The following SERPINA6 variants were observed in gnomAD, a reference collection of about 807,000 sequenced individuals.
SERPINA6 encodes serpin family A member 6, also known as corticosteroid-binding globulin.
In SERPINA6, 19 loss-of-function variants were observed where a neutral mutation model predicts 26.4. The observed-to-expected ratio is 0.72, with a 90% CI of 0.50 to 1.06. The LOEUF is 1.06. Ranked by LOEUF, SERPINA6 falls within the 50% of genes least tolerant of loss-of-function variation. The pLI is 0.00. For missense variants in SERPINA6, 473 were observed against 504.0 expected (o/e 0.94, Z 0.59); for synonymous variants, 196 against 199.4 (o/e 0.98, Z 0.14).
chr14:94,322,788 G>A (rs1895701956), intron 1 of SERPINA6, among the ~76,000 whole-genome samples: 1 of 152,214 alleles, frequency 6.6e-6, no homozygotes, highest in East Asian at 1.9e-4. Context: ...TGAGTGAGGA[G>A]CCATGGTGGA....
At chr14:94,311,880 G>A (rs559017056) in intron 2 of SERPINA6, among the ~76,000 whole-genome samples, 8 of 152,102 alleles carry the variant, frequency 5.3e-5, no homozygotes, top group African/African-American at 1.4e-4. Context: ...CCCGGGAGGC[G>A]GAGCTTGCAG....
rs150253334 is a variant in SERPINA6 at position 94,314,349 on chromosome 14, C to A, written c.300G>T (p.Arg100Ser). 1 of 1,614,174 alleles carries A rather than the reference C, an allele frequency of 6.2e-7. No individual in the cohort carries two copies. The highest frequency in any genetic ancestry group is 8.5e-7 in the Non-Finnish European group (1 of 1,180,026). ...LQGLGFNLTERSETEIHQGFQ... is the reference protein window; with the variant it reads ...LQGLGFNLTESSETEIHQGFQ... ...AACCCTGGTGGATCTCAGTCTCAGA[C>A]CTCTCAGTGAGGTTGAAACCCAGGC... is the stretch of plus-strand genomic sequence containing the variant. The change falls in exon 2 of 5, where the codon AGG becomes AGT. Residue 100 changes from arginine to serine, a missense_variant. Coordinates refer to ENST00000341584, the MANE Select transcript of SERPINA6 (RefSeq NM_001756.4).
intron 1 of SERPINA6, among the ~76,000 whole-genome samples, chr14:94,321,826 T>G (rs1274217535): frequency 1.3e-5 from 2 of 152,232 alleles, no homozygotes; most frequent in South Asian, 4.1e-4. Context: ...CTTTGGTCAC[T>G]GCCATACCTA....
intron 2 of SERPINA6, among the ~76,000 whole-genome samples, chr14:94,312,873 G>C (rs1369328608): frequency 6.6e-6 from 1 of 152,166 alleles, no homozygotes; most frequent in African/African-American, 2.4e-5. Flanking sequence ...GGTCCTGGCT[G>C]GGGATCACAT....
At chr14:94,322,581 T>C (rs1395192280) in intron 1 of SERPINA6, among the ~76,000 whole-genome samples, 2 of 152,252 alleles carry the variant, frequency 1.3e-5, no homozygotes, top group Non-Finnish European at 2.9e-5. Context: ...ATATTATTCA[T>C]GCATTTCATG....
rs542155756 is a variant in SERPINA6 at position 94,307,002 on chromosome 14, C to G, written c.885-784G>C. Among the ~76,000 whole-genome samples the G allele has an allele frequency of 3.9e-5, 6 of 152,332 alleles. No individual in the cohort carries two copies. The East Asian group carries it at 9.7e-4, about 25-fold the overall frequency. ...GATGGGAGGGAAGGCACGAGACCCTCTCCTCACTGAGCAAAAGCAGCCCTG... is the reference window on the plus strand; with the variant it reads ...GATGGGAGGGAAGGCACGAGACCCTGTCCTCACTGAGCAAAAGCAGCCCTG... On this transcript the variant is annotated intron_variant, in intron 3 of 4. Coordinates refer to ENST00000341584, the MANE Select transcript of SERPINA6 (RefSeq NM_001756.4).
chr14:94,306,066 T>G lies in SERPINA6; in HGVS notation c.1032+5A>C, dbSNP rs1895434616. On this transcript the variant is annotated splice_donor_5th_base_variant and intron_variant, in intron 4 of 4. Coordinates refer to ENST00000341584, the MANE Select transcript of SERPINA6 (RefSeq NM_001756.4). The stretch of plus-strand genomic sequence containing the variant: ...GAAGAAAAGGTGGGTTCCCATGACA[T>G]TTACCTTTGATGACTTCAGCTGGGC... 3.1e-6 allele frequency: 5 copies of G among 1,614,176 alleles called. No homozygotes were observed. Among genetic ancestry groups the G allele is most frequent in the Non-Finnish European group, 4.2e-6 (5 of 1,180,016 alleles).
chr14:94,310,916 C>T (rs1445430424), intron 2 of SERPINA6, among the ~76,000 whole-genome samples: 1 of 152,224 alleles, frequency 6.6e-6, no homozygotes, highest in Non-Finnish European at 1.5e-5. Context: ...CCCTGAAGCC[C>T]TTGCCAGGCC....
At position 94,309,609 on chromosome 14, in the gene SERPINA6, A is replaced by G. The variant is rs539557019; in HGVS notation, c.884+127T>C. On this transcript the variant is annotated intron_variant, in intron 3 of 4. Transcript: ENST00000341584. ...TACAGCCTTTGGGGGCCCAGCAGAC[A>G]GGAAAACTGAGCCCTGGAGGGTGAG... is the stretch of plus-strand genomic sequence containing the variant. 2.0e-5 allele frequency: 21 copies of G among 1,069,408 alleles called. No individual in the cohort carries two copies. The East Asian group carries it at 4.8e-4, about 25-fold the overall frequency. The allele number at this position is 1,069,408 out of a possible 1,614,324, so 66.2% of individuals were successfully genotyped here. A position where few individuals can be genotyped will look rare whatever the true frequency, so the allele number is the denominator to read the frequency against.
intron 2 of SERPINA6, among the ~76,000 whole-genome samples, chr14:94,312,520 C>A (rs1019677903): frequency 2.0e-5 from 3 of 152,228 alleles, no homozygotes; most frequent in Non-Finnish European, 4.4e-5. Flanking sequence ...AGTGCACAGT[C>A]TCGTGGGGGA....
intron 3 of SERPINA6, among the ~76,000 whole-genome samples, chr14:94,306,643 C>T (rs1172340217): frequency 6.6e-6 from 1 of 152,210 alleles, no homozygotes; most frequent in Non-Finnish European, 1.5e-5. Context: ...TGCTGTGTGG[C>T]CTTTGCCAAG....
chr14:94,320,006 T>A (rs1895661546), intron 1 of SERPINA6, among the ~76,000 whole-genome samples: 1 of 152,122 alleles, frequency 6.6e-6, no homozygotes, highest in African/African-American at 2.4e-5. Flanking sequence ...TAAAAAGAGT[T>A]CCATAAGAGC....
chr14:94,306,105 C>T lies in SERPINA6; in HGVS notation c.998G>A (p.Arg333His), dbSNP rs751013186. 2.8e-5 allele frequency: 46 copies of T among 1,614,160 alleles called. No homozygotes were observed. The East Asian group carries it at 7.4e-4, about 26-fold the overall frequency. Reference protein sequence around the residue: ...DLFTNQANFSRITQDAQLKSS... With the variant: ...DLFTNQANFSHITQDAQLKSS... ...CTTCAGCTGGGCGTCCTGGGTGATG[C>T]GTGAGAAATTTGCCTGGTTGGTGAA... Residue 333 changes from arginine (R) to histidine (H), a missense_variant, in exon 4 of 5, where the codon CGC becomes CAC. Arg to His is a conservative substitution (Grantham distance 29). Transcript: ENST00000341584.
rs141476098 is a variant in SERPINA6 at position 94,311,753 on chromosome 14, C to T, written c.614-1747G>A. ...AGGAGATCGAGACCGTCCTGGCTAACGTGGTGAAACCCTGTCTGTACTAAA... is the reference window on the plus strand; with the variant it reads ...AGGAGATCGAGACCGTCCTGGCTAATGTGGTGAAACCCTGTCTGTACTAAA... On this transcript the variant is annotated intron_variant, in intron 2 of 4. Transcript: ENST00000341584. 5.7e-3 allele frequency among the ~76,000 whole-genome samples: 873 copies of T among 152,102 alleles called. 6 individuals carry two copies. Among genetic ancestry groups the T allele is most frequent in the African/African-American group, 0.02 (825 of 41,486 alleles).
At chr14:94,314,703 A>C in intron 1 of SERPINA6, 36 bp from the exon 2 acceptor site, 1 of 1,595,952 alleles carries the variant, frequency 6.3e-7, no homozygotes, top group Non-Finnish European at 8.5e-7. Context: ...ATGCTGTGGC[A>C]GTCTCTGAGT....
chr14:94,320,921 G>A (rs527739443), intron 1 of SERPINA6, among the ~76,000 whole-genome samples: 3 of 152,204 alleles, frequency 2.0e-5, no homozygotes, highest in Admixed American at 6.5e-5. Context: ...ATTCTCCATC[G>A]GGTTTCTGAC....
intron 1 of SERPINA6, among the ~76,000 whole-genome samples, chr14:94,319,115 G>T (rs1413496158): frequency 6.6e-6 from 1 of 152,052 alleles, no homozygotes; most frequent in Non-Finnish European, 1.5e-5. Flanking sequence ...ATACCACTTT[G>T]TATCCACAGG....
intron 1 of SERPINA6, among the ~76,000 whole-genome samples, chr14:94,315,881 A>G (rs1051418931): frequency 1.3e-5 from 2 of 152,088 alleles, no homozygotes; most frequent in African/African-American, 4.8e-5. Context: ...AAACACTTTA[A>G]TAATTCTATT....
rs763752224 is a variant in SERPINA6, at chr14:94,306,103, T to C, written c.1000A>G (p.Ile334Val). The change falls in exon 4 of 5, where the codon ATC becomes GTC. Residue 334 changes from isoleucine (I) to valine (V), a missense_variant. Physicochemically the swap from Ile to Val is conservative, Grantham distance 29. Coordinates refer to ENST00000341584, the MANE Select transcript of SERPINA6 (RefSeq NM_001756.4). The stretch of plus-strand genomic sequence containing the variant: ...GACTTCAGCTGGGCGTCCTGGGTGA[T>C]GCGTGAGAAATTTGCCTGGTTGGTG... Reference protein sequence around the residue: ...LFTNQANFSRITQDAQLKSSK... With the variant: ...LFTNQANFSRVTQDAQLKSSK... 1.2e-6 allele frequency: 2 copies of C among 1,614,234 alleles called. No homozygotes were observed. The highest frequency in any genetic ancestry group is 1.7e-6 in the Non-Finnish European group (2 of 1,180,042).
Sources: gnomAD v4.1 joint callset for allele counts (sites outside exome capture counted in the v4.1 genomes callset) on GRCh38, gnomAD v4.1.1 for gene constraint, MANE v1.5 for transcripts, NCBI Gene and HGNC (gene_info 2026-07-23, HGNC 2026-07-21) for gene names.